GALNT2: variants seen among roughly 807,000 people sequenced by gnomAD.
The protein encoded by GALNT2 is polypeptide N-acetylgalactosaminyltransferase 2.
In GALNT2, 31 loss-of-function variants were observed where a neutral mutation model predicts 81.4. The observed-to-expected ratio is 0.38, with a 90% confidence interval of 0.29 to 0.51. The LOEUF is 0.51. Among genes scored for constraint, GALNT2 ranks in the 20% least tolerant of loss-of-function variants. GALNT2 has a pLI of 0.87. For missense variants in GALNT2, 629 were observed against 765.7 expected (o/e 0.82, Z 2.11); for synonymous variants, 303 against 287.4 (o/e 1.05, Z -0.55).
At chr1:230,125,111 A>G (rs559448092) in intron 1 of GALNT2, among the ~76,000 whole-genome samples, 2 of 152,344 alleles carry the variant, frequency 1.3e-5, no homozygotes, top group East Asian at 3.9e-4. Flanking sequence ...TATTCTTGTC[A>G]AATGTGAAGG....
At chr1:230,217,860 C>T (rs1353769443) in intron 3 of GALNT2, among the ~76,000 whole-genome samples, 2 of 152,226 alleles carry the variant, frequency 1.3e-5, no homozygotes, top group Non-Finnish European at 2.9e-5. Flanking sequence ...TATCTAATCA[C>T]CTCTTAAAGG....
chr1:230,157,769 TG>T (rs1558115123), intron 1 of GALNT2, among the ~76,000 whole-genome samples: 1 of 152,186 alleles, frequency 6.6e-6, no homozygotes, highest in Non-Finnish European at 1.5e-5. Flanking sequence ...TATGACATTC[TG>T]GAAAAGGCAA....
At chr1:230,149,080 C>T (rs1340706406) in intron 1 of GALNT2, among the ~76,000 whole-genome samples, 1 of 149,884 alleles carries the variant, frequency 6.7e-6, no homozygotes, top group Non-Finnish European at 1.5e-5. Flanking sequence ...GGCGTTTCTC[C>T]ATATTGCCCA....
rs1553311876 is a variant in GALNT2 at position 230,092,184 on chromosome 1, T to TGTTTTTTTTTTTTG, written c.126+24778_126+24779insGTTTTTTTTTTTTG. On this transcript the variant is annotated intron_variant, in intron 1 of 15. Coordinates refer to ENST00000366672, the MANE Select transcript of GALNT2 (RefSeq NM_004481.5). The stretch of plus-strand genomic sequence containing the variant: ...CACCTTATATTCCTTTAGTTTTTTT[T>TGTTTTTTTTTTTTG]TTTTTTTTTTTTGCACTGATCTTTC... Among the ~76,000 whole-genome samples the TGTTTTTTTTTTTTG allele has an allele frequency of 6.7e-5, 8 of 119,628 alleles. No individual in the cohort carries two copies. In the South Asian group the frequency reaches 1.8e-3, roughly 27 times the overall value. The allele number at this position is 119,628 out of a possible 152,430, so 78.5% of individuals were successfully genotyped here. A position where few individuals can be genotyped will look rare whatever the true frequency, so the allele number is the denominator to read the frequency against.
At position 230,222,031 on chromosome 1, in the gene GALNT2, C is replaced by CTTTTTTTTTTTTTTTTTTTTTTTTTTTT. The variant is rs564681409; in HGVS notation, c.375-13970_375-13969insTTTTTTTTTTTTTTTTTTTTTTTTTTTT. Among the ~76,000 whole-genome samples, 70 of 96,104 alleles carry CTTTTTTTTTTTTTTTTTTTTTTTTTTTT rather than the reference C, an allele frequency of 7.3e-4. 14 individuals carry two copies. The highest frequency in any genetic ancestry group is 1.5e-3 in the East Asian group (3 of 2,056). The allele number at this position is 96,104 out of a possible 152,430, so 63.0% of individuals were successfully genotyped here. A position where few individuals can be genotyped will look rare whatever the true frequency, so the allele number is the denominator to read the frequency against. On this transcript the variant is annotated intron_variant, in intron 3 of 15. Coordinates refer to ENST00000366672, the MANE Select transcript of GALNT2 (RefSeq NM_004481.5). ...TTTATATACATTTCACTGCTTTTCTCTTTTTTTTTTTTTGAGACAGAGTCT... is the reference window on the plus strand; with the variant it reads ...TTTATATACATTTCACTGCTTTTCTCTTTTTTTTTTTTTTTTTTTTTTTTTTTTTTTTTTTTTTTTTGAGACAGAGTCT...
chr1:230,139,150 C>G (rs1204068866), intron 1 of GALNT2, among the ~76,000 whole-genome samples: 1 of 152,194 alleles, frequency 6.6e-6, no homozygotes, highest in Non-Finnish European at 1.5e-5. Flanking sequence ...TCCTGTTGAC[C>G]ATTGACAGCC....
chr1:230,061,118 C>T (rs185267536), intron 1 of GALNT2, among the ~76,000 whole-genome samples: 91 of 151,924 alleles, frequency 6.0e-4, no homozygotes, highest in Non-Finnish European at 9.4e-4. Context: ...TATTATTAAT[C>T]GGGGCCCTTT....
chr1:230,118,406 T>C (rs1424098481), intron 1 of GALNT2, among the ~76,000 whole-genome samples: 1 of 152,272 alleles, frequency 6.6e-6, no homozygotes, highest in African/African-American at 2.4e-5. Flanking sequence ...AGTGTATGTT[T>C]AGTTTTGTAA....
intron 3 of GALNT2, among the ~76,000 whole-genome samples, chr1:230,230,691 G>A (rs910411764): frequency 6.6e-6 from 1 of 152,202 alleles, no homozygotes; most frequent in Non-Finnish European, 1.5e-5. Flanking sequence ...ATTTTTGACA[G>A]TATCTATTCC....
In GALNT2 at chr1:230,116,507, C is replaced by T. The variant is rs999263493; in HGVS notation, c.126+49101C>T. Among the ~76,000 whole-genome samples the T allele has an allele frequency of 8.5e-5, 13 of 152,292 alleles. No individual in the cohort carries two copies. In the East Asian group the frequency reaches 1.5e-3, roughly 18 times the overall value. On this transcript the variant is annotated intron_variant, in intron 1 of 15. Coordinates refer to ENST00000366672, the MANE Select transcript of GALNT2 (RefSeq NM_004481.5). ...CCTCCCAAAGTGCTGAGATTACAGG[C>T]GTGAGCCACTGTGCCTGGCCACAAA...
intron 1 of GALNT2, among the ~76,000 whole-genome samples, chr1:230,129,737 T>C (rs376443645): frequency 6.6e-6 from 1 of 152,248 alleles, no homozygotes; most frequent in Non-Finnish European, 1.5e-5. Flanking sequence ...TCAGGGTGCA[T>C]GTGCAGGTTT....
At chr1:230,238,126 G>A (rs1441670109) in intron 6 of GALNT2, among the ~76,000 whole-genome samples, 1 of 152,150 alleles carries the variant, frequency 6.6e-6, no homozygotes, top group Non-Finnish European at 1.5e-5. Context: ...GAAAATATGT[G>A]CACACTTGCA....
intron 1 of GALNT2, among the ~76,000 whole-genome samples, chr1:230,151,543 G>T (rs1210700474): frequency 6.6e-6 from 1 of 152,134 alleles, no homozygotes; most frequent in Non-Finnish European, 1.5e-5. Flanking sequence ...GATAGCCCTG[G>T]GAGGAGAATT....
chr1:230,268,900 C>A (rs545768735), intron 14 of GALNT2, among the ~76,000 whole-genome samples: 25 of 152,332 alleles, frequency 1.6e-4, no homozygotes, highest in Middle Eastern at 3.4e-3. Context: ...CACAGAGCGC[C>A]CATTCCTTGC....
At chr1:230,166,081 A>G (rs754529372) in intron 1 of GALNT2, among the ~76,000 whole-genome samples, 8 of 152,148 alleles carry the variant, frequency 5.3e-5, no homozygotes, top group Non-Finnish European at 8.8e-5. Context: ...AAGCCATGAC[A>G]GTGTCCTCTG....
intron 7 of GALNT2, among the ~76,000 whole-genome samples, chr1:230,245,041 C>T (rs866173203): frequency 2.0e-5 from 3 of 152,150 alleles, no homozygotes; most frequent in Non-Finnish European, 2.9e-5. Context: ...GGGTCTCTCA[C>T]CAGCATCCGT....
At chr1:230,202,387 T>G (rs1406783898) in intron 2 of GALNT2, among the ~76,000 whole-genome samples, 1 of 152,180 alleles carries the variant, frequency 6.6e-6, no homozygotes, top group Non-Finnish European at 1.5e-5. Context: ...TGCCCTAGGG[T>G]AGAGCTCCTC....
intron 1 of GALNT2, among the ~76,000 whole-genome samples, chr1:230,132,955 A>G (rs1422303403): frequency 6.6e-6 from 1 of 152,230 alleles, no homozygotes; most frequent in Non-Finnish European, 1.5e-5. Context: ...AGCAGGAAGA[A>G]GGAACACATA....
chr1:230,089,936 G>A (rs77967082), intron 1 of GALNT2, among the ~76,000 whole-genome samples: 3,173 of 152,228 alleles, frequency 0.021, 112 homozygotes, highest in African/African-American at 0.072. Context: ...TCATATGGGA[G>A]TTCTGTTTTT....
Sources: allele counts gnomAD v4.1 joint callset (sites outside exome capture counted in the v4.1 genomes callset), GRCh38; gene constraint gnomAD v4.1.1; transcripts MANE v1.5; gene names NCBI Gene and HGNC (gene_info 2026-07-23, HGNC 2026-07-21).